KCNC4: variants seen among roughly 807,000 people sequenced by gnomAD.
KCNC4 encodes the protein potassium voltage-gated channel subfamily C member 4.
A neutral mutation model predicts 42.8 loss-of-function variants in KCNC4; 23 were observed. The ratio of observed to expected loss-of-function variants is 0.54; its 90% CI spans 0.39 to 0.76. KCNC4 has a LOEUF of 0.76. Among genes scored for constraint, KCNC4 ranks in the 30% least tolerant of loss-of-function variants. The pLI, the probability that KCNC4 is intolerant of heterozygous loss-of-function variation, is 0.00. For synonymous variants in KCNC4, 422 were observed against 393.5 expected (o/e 1.07, Z -0.86); for missense variants, 751 against 898.2 (o/e 0.84, Z 2.10).
rs776227459 is a variant in KCNC4, at chr1:110,232,859, T to G, written c.1820-52T>G. The G allele has an allele frequency of 5.7e-6, 9 of 1,571,540 alleles. No homozygotes were observed. The East Asian group carries it at 1.9e-4, about 33-fold the overall frequency. ...TCCCCCCAACCCCAGAAGGCAATGT[T>G]GAGCCGAAAGCGTGCGTCCCAGTGT... On this transcript the variant is annotated intron_variant, in intron 3 of 3. Coordinates refer to ENST00000438661, the MANE Select transcript of KCNC4 (RefSeq NM_001039574.3).
chr1:110,216,055 G>A (rs1432631086), intron 1 of KCNC4, among the ~76,000 whole-genome samples: 1 of 152,216 alleles, frequency 6.6e-6, no homozygotes, highest in Non-Finnish European at 1.5e-5. Flanking sequence ...AAAAATGAAG[G>A]GAGGCGTGGC....
intron 3 of KCNC4, chr1:110,232,539 C>A: frequency 7.0e-7 from 1 of 1,434,956 alleles, no homozygotes; most frequent in Non-Finnish European, 9.1e-7. Context: ...CTCCACTGCA[C>A]TGGAGCTTTG....
Position 110,224,280 on chromosome 1 carries a change from C to T in KCNC4, c.1615+380C>T, listed in dbSNP as rs183074590. Reference sequence around the variant, plus strand: ...ATAATATCATATCCTACCCTCAAGACTTTGAGAGACCCAAATGAATGACAG... The same window carrying T: ...ATAATATCATATCCTACCCTCAAGATTTTGAGAGACCCAAATGAATGACAG... On this transcript the variant is annotated intron_variant, in intron 2 of 3. Coordinates refer to ENST00000438661, the MANE Select transcript of KCNC4 (RefSeq NM_001039574.3). 2.1e-3 allele frequency: 420 copies of T among 196,594 alleles called. 1 individual carries two copies. Among genetic ancestry groups the T allele is most frequent in the African/African-American group, 8.4e-3 (363 of 43,112 alleles). 12.2% of individuals were successfully genotyped at this position (196,594 alleles called of 1,614,324 possible). A position where few individuals can be genotyped will look rare whatever the true frequency, so the allele number is the denominator to read the frequency against.
At chr1:110,252,777 G>A (rs1389764423), downstream of KCNC4, among the ~76,000 whole-genome samples, 1 of 152,186 alleles carries the variant, frequency 6.6e-6, no homozygotes, top group African/African-American at 2.4e-5. Flanking sequence ...GGGAAGTTAG[G>A]TTAACTTGTC....
intron 1 of KCNC4, among the ~76,000 whole-genome samples, chr1:110,254,418 C>T (rs2101069601): frequency 6.6e-6 from 1 of 152,308 alleles, no homozygotes; most frequent in South Asian, 2.1e-4. Flanking sequence ...TTCATTGCAC[C>T]CACTGCATAT....
intron 1 of KCNC4, among the ~76,000 whole-genome samples, chr1:110,273,335 G>T (rs58155611): frequency 0.29 from 43,950 of 151,936 alleles, 6,750 homozygotes; most frequent in Admixed American, 0.42. Context: ...ATGAGTTTCT[G>T]CTCATGGTTT....
chr1:110,276,362 G>A (rs557866904), intron 1 of KCNC4, among the ~76,000 whole-genome samples: 2 of 150,270 alleles, frequency 1.3e-5, no homozygotes, highest in South Asian at 4.2e-4. Flanking sequence ...TGAAGAATGG[G>A]TTAATAGAAA....
intron 1 of KCNC4, among the ~76,000 whole-genome samples, chr1:110,254,978 A>G (rs1343934990): frequency 6.6e-6 from 1 of 152,256 alleles, no homozygotes; most frequent in Non-Finnish European, 1.5e-5. Flanking sequence ...CATTATAAGT[A>G]AAATAATCTT....
chr1:110,226,276 G>A (rs771352240), intron 3 of KCNC4, 98 bp downstream of exon 3: 51 of 987,958 alleles, frequency 5.2e-5, no homozygotes, highest in South Asian at 3.8e-4. Context: ...CCCTGAGACC[G>A]TGGCCGCCAT....
exon 4 of KCNC4, chr1:110,247,990 T>C (rs1344118833): frequency 6.6e-6 from 1 of 152,244 alleles, no homozygotes; most frequent in Admixed American, 6.5e-5. Flanking sequence ...AGGCCATAGA[T>C]TAGACCCACC....
At chr1:110,215,058 G>A (rs1657712417) in intron 1 of KCNC4, among the ~76,000 whole-genome samples, 1 of 152,296 alleles carries the variant, frequency 6.6e-6, no homozygotes, top group Non-Finnish European at 1.5e-5. Context: ...GGTGGGCGAA[G>A]AGGGAGAGAG....
At chr1:110,283,520 G>C (rs1476471620), downstream of KCNC4, among the ~76,000 whole-genome samples, 1 of 152,192 alleles carries the variant, frequency 6.6e-6, no homozygotes, top group Non-Finnish European at 1.5e-5. Context: ...TCTCTCAGTG[G>C]AAGTGGAGAC....
intron 1 of KCNC4, among the ~76,000 whole-genome samples, chr1:110,212,493 A>G (rs1021569668): frequency 2.0e-5 from 3 of 152,234 alleles, no homozygotes; most frequent in African/African-American, 2.4e-5. Context: ...TTTGGTCTGC[A>G]CAGGCTGCCC....
At chr1:110,226,745 A>G (rs946247764) in intron 3 of KCNC4, among the ~76,000 whole-genome samples, 1 of 152,184 alleles carries the variant, frequency 6.6e-6, no homozygotes, top group South Asian at 2.1e-4. Flanking sequence ...GAGATGACCA[A>G]GGGGTGGGAT....
intron 1 of KCNC4, among the ~76,000 whole-genome samples, chr1:110,277,460 G>A (rs1659744892): frequency 6.6e-6 from 1 of 152,186 alleles, no homozygotes; most frequent in African/African-American, 2.4e-5. Context: ...CTGTCCCTGA[G>A]ATAGCTCATC....
intron 1 of KCNC4, among the ~76,000 whole-genome samples, chr1:110,281,408 C>T (rs1659821476): frequency 1.3e-5 from 2 of 151,984 alleles, no homozygotes; most frequent in African/African-American, 4.8e-5. Context: ...TTTGGGGGCT[C>T]CCACTCCTCT....
chr1:110,259,324 G>A (rs1445936235), intron 1 of KCNC4, among the ~76,000 whole-genome samples: 1 of 152,160 alleles, frequency 6.6e-6, no homozygotes, highest in African/African-American at 2.4e-5. Flanking sequence ...AGGGGACGGT[G>A]GACAAGCAAG....
At position 110,225,985 on chromosome 1, in the gene KCNC4, G is replaced by A. The variant is rs751984990; in HGVS notation, c.1626G>A (p.Gln542=). ...GTGTGCCCCCTTCAGACTCTAAGCAGAATGGCGATGCCAACGCAGTGCTGT... is the reference window on the plus strand; with the variant it reads ...GTGTGCCCCCTTCAGACTCTAAGCAAAATGGCGATGCCAACGCAGTGCTGT... ...MIERKRADSK[Q]NGDANAVLSD... is the part of the protein sequence containing the mutation. Residue 542 remains glutamine (Q), a synonymous_variant, in exon 3 of 4, where the codon CAG becomes CAA. Transcript: ENST00000438661. 3.1e-6 allele frequency: 5 copies of A among 1,596,228 alleles called. No individual in the cohort carries two copies. The highest frequency in any genetic ancestry group is 4.3e-6 in the Non-Finnish European group (5 of 1,168,172).
exon 4 of KCNC4, chr1:110,248,546 G>A (rs1276459340): frequency 6.6e-6 from 1 of 151,382 alleles, no homozygotes; most frequent in East Asian, 1.9e-4. Flanking sequence ...AACTAGATTT[G>A]TATTTTTTAA....
Sources: allele counts gnomAD v4.1 joint callset (sites outside exome capture counted in the v4.1 genomes callset), GRCh38; gene constraint gnomAD v4.1.1; transcripts MANE v1.5; gene names NCBI Gene and HGNC (gene_info 2026-07-23, HGNC 2026-07-21).